Variants in TBC1D16 observed in about 807,000 individuals in gnomAD.
TBC1D16 encodes the protein TBC1 domain family member 16.
In TBC1D16, 58 loss-of-function variants were observed where a neutral mutation model predicts 74.7. The ratio of observed to expected loss-of-function variants is 0.78; its 90% CI spans 0.63 to 0.97. TBC1D16 has a LOEUF of 0.97. TBC1D16 is among the 50% of genes least tolerant of loss of function. TBC1D16 has a pLI of 0.00. For missense variants in TBC1D16, 1,014 were observed against 1,079.5 expected, an observed-to-expected ratio of 0.94 and a Z score of 0.85; for synonymous variants, 493 against 474.7, an observed-to-expected ratio of 1.04 and a Z score of -0.50.
At position 80,035,074 on chromosome 17, in the gene TBC1D16, C is replaced by G. The variant is rs540328043; in HGVS notation, c.-63+721G>C. Among the ~76,000 whole-genome samples, 81 of 152,294 alleles carry G rather than the reference C, an allele frequency of 5.3e-4. 1 individual carries two copies. The highest frequency in any genetic ancestry group is 6.8e-3 in the Middle Eastern group (2 of 294). On this transcript the variant is annotated intron_variant, in intron 1 of 11. Coordinates refer to ENST00000310924, the MANE Select transcript of TBC1D16 (RefSeq NM_019020.4). The surrounding 1 kb of genome is among the most constrained non-coding windows in gnomAD (Gnocchi z 5.3). ...TTCATTTCCTATTTCTGAATCAAATCTGAACTACTTTGTGGCCAATATACG... is the reference window on the plus strand; with the variant it reads ...TTCATTTCCTATTTCTGAATCAAATGTGAACTACTTTGTGGCCAATATACG...
rs930194197 is a variant in TBC1D16 at position 79,941,718 on chromosome 17, G to C, written c.2055+342C>G. Among the ~76,000 whole-genome samples the C allele has an allele frequency of 6.6e-6, 1 of 152,212 alleles. No homozygotes were observed. Among genetic ancestry groups the C allele is most frequent in the South Asian group, 2.1e-4 (1 of 4,836 alleles). ...CCTCCTTCTCAGTGTTCCCAGTTCT[G>C]GGTTGTAAGCGAGGTACCCCAGGGT... On this transcript the variant is annotated intron_variant, in intron 11 of 11. Transcript: ENST00000310924. The surrounding 1 kb of genome is among the most constrained non-coding windows in gnomAD (Gnocchi z 4.3).
In TBC1D16 at chr17:79,941,634, G is replaced by A. The variant is rs1267815009; in HGVS notation, c.2055+426C>T. On this transcript the variant is annotated intron_variant, in intron 11 of 11. Coordinates refer to ENST00000310924, the MANE Select transcript of TBC1D16 (RefSeq NM_019020.4). The surrounding 1 kb of genome is among the most constrained non-coding windows in gnomAD (Gnocchi z 4.3). ...ATCTCCAGGAGGCGTCTGGGAAGTGGGGGAGGGGGCCAAAGCCCAAGGTCC... is the reference window on the plus strand; with the variant it reads ...ATCTCCAGGAGGCGTCTGGGAAGTGAGGGAGGGGGCCAAAGCCCAAGGTCC... Among the ~76,000 whole-genome samples, 2 of 152,316 alleles carry A rather than the reference G, an allele frequency of 1.3e-5. No homozygotes were observed. The highest frequency in any genetic ancestry group is 3.9e-4 in the East Asian group (2 of 5,174).
At chr17:80,014,874 C>G (rs918592806) in intron 1 of TBC1D16, among the ~76,000 whole-genome samples, 3 of 152,168 alleles carry the variant, frequency 2.0e-5, no homozygotes, top group Admixed American at 6.5e-5. Flanking sequence ...ACTTCTGCCC[C>G]GTGAGGACAC....
rs2035971536 is a variant in TBC1D16 at position 80,013,451 on chromosome 17, G to A, written c.97C>T (p.Leu33=). The change falls in exon 2 of 12, where the codon CTG becomes TTG. Residue 33 remains leucine, a synonymous_variant. Coordinates refer to ENST00000310924, the MANE Select transcript of TBC1D16 (RefSeq NM_019020.4). ...GGSGSGSPSV[L]DGEIIYSKNN... ...TTGGAGTAGATGATCTCTCCATCCA[G>A]GACAGAGGGGGACCCGCTGCCGCTG... The A allele has an allele frequency of 6.2e-7, 1 of 1,601,770 alleles. No homozygotes were observed.
chr17:80,002,900 C>T (rs574874587), intron 3 of TBC1D16, among the ~76,000 whole-genome samples: 69 of 152,330 alleles, frequency 4.5e-4, no homozygotes, highest in South Asian at 2.1e-3. Context: ...CACCCGGGAA[C>T]GGTGGCGCAC....
chr17:79,981,957 G>C lies in TBC1D16; in HGVS notation c.779+28203C>G, dbSNP rs1270056359. 6.6e-6 allele frequency among the ~76,000 whole-genome samples: 1 copy of C among 152,192 alleles called. No homozygotes were observed. Among genetic ancestry groups the C allele is most frequent in the Non-Finnish European group, 1.5e-5 (1 of 68,032 alleles). ...CACATGCACATGTATTAAAGCAAAA[G>C]TGAGATTGTGCTGTCAACATTGTGT... On this transcript the variant is annotated intron_variant, in intron 3 of 11. Coordinates refer to ENST00000310924, the MANE Select transcript of TBC1D16 (RefSeq NM_019020.4). The surrounding 1 kb of genome is among the most constrained non-coding windows in gnomAD (Gnocchi z 6.9).
intron 1 of TBC1D16, among the ~76,000 whole-genome samples, chr17:80,016,351 C>T (rs1205791271): frequency 6.6e-6 from 1 of 152,016 alleles, no homozygotes; most frequent in Non-Finnish European, 1.5e-5. Flanking sequence ...GGCGGCGGCT[C>T]TACAACATGA....
rs567021083 is a variant in TBC1D16 at position 79,976,065 on chromosome 17, C to T, written c.780-23247G>A. 2.6e-5 allele frequency among the ~76,000 whole-genome samples: 4 copies of T among 152,356 alleles called. 1 individual carries two copies. Among genetic ancestry groups the T allele is most frequent in the African/African-American group, 9.6e-5 (4 of 41,582 alleles). ...CCGCCAGGCAGAACAGGTGCACATCCAGGTCAACCTGTGACCTCGGCCTTA... is the reference window on the plus strand; with the variant it reads ...CCGCCAGGCAGAACAGGTGCACATCTAGGTCAACCTGTGACCTCGGCCTTA... On this transcript the variant is annotated intron_variant, in intron 3 of 11. Coordinates refer to ENST00000310924, the MANE Select transcript of TBC1D16 (RefSeq NM_019020.4).
chr17:79,958,481 G>A (rs4889807), intron 3 of TBC1D16, among the ~76,000 whole-genome samples: 23,802 of 152,162 alleles, frequency 0.16, 1,875 homozygotes, highest in East Asian at 0.19. Flanking sequence ...GTCTCCCAAA[G>A]TGCTGGGATC....
rs1031811218 is a variant in TBC1D16 at position 79,981,723 on chromosome 17, G to A, written c.779+28437C>T. On this transcript the variant is annotated intron_variant, in intron 3 of 11. Transcript: ENST00000310924. The surrounding 1 kb of genome is among the most constrained non-coding windows in gnomAD (Gnocchi z 6.9). ...GCAAGGGACGCGCCACCCTCGGAGC[G>A]GCTCCCTCGGCTCTTCTGTAATCTC... is the stretch of plus-strand genomic sequence containing the variant. 9.2e-5 allele frequency among the ~76,000 whole-genome samples: 14 copies of A among 152,214 alleles called. No individual in the cohort carries two copies. The highest frequency in any genetic ancestry group is 3.2e-3 in the Middle Eastern group (1 of 316).
intron 3 of TBC1D16, among the ~76,000 whole-genome samples, chr17:79,958,986 T>C (rs2033474136): frequency 6.6e-6 from 1 of 152,258 alleles, no homozygotes; most frequent in African/African-American, 2.4e-5. Flanking sequence ...CAACTGTTCA[T>C]CTGAAAAACC....
chr17:80,005,076 TTTG>T (rs978018103), intron 3 of TBC1D16, among the ~76,000 whole-genome samples: 69 of 150,956 alleles, frequency 4.6e-4, no homozygotes, highest in African/African-American at 1.6e-3. Flanking sequence ...TGTTCTTGTT[TTTG>T]TTGTTGTTGT....
intron 3 of TBC1D16, among the ~76,000 whole-genome samples, chr17:79,976,041 C>T (rs975456348): frequency 6.6e-6 from 1 of 152,248 alleles, no homozygotes; most frequent in African/African-American, 2.4e-5. Flanking sequence ...CTCTTGTCCC[C>T]GCCAGGCAGA....
rs1184761962 is a variant in TBC1D16, at chr17:79,934,248, G to C, written c.*6611C>G. 1 of 152,408 alleles carries C rather than the reference G, an allele frequency of 6.6e-6. No homozygotes were observed. Among genetic ancestry groups the C allele is most frequent in the African/African-American group, 2.4e-5 (1 of 41,462 alleles). The allele number at this position is 152,408 out of a possible 1,614,324, so 9.4% of individuals were successfully genotyped here. On this transcript the variant is annotated 3_prime_UTR_variant, in exon 12 of 12. Coordinates refer to ENST00000310924, the MANE Select transcript of TBC1D16 (RefSeq NM_019020.4). ...ATGCTGCGTCTGGGCTGTATCCAGG[G>C]AACCAGCTGCCGGACAAATTGGAAG...
Position 79,952,774 on chromosome 17 carries a change from T to C in TBC1D16, c.824A>G (p.Asn275Ser), listed in dbSNP as rs757778319. 5.0e-6 allele frequency: 8 copies of C among 1,611,924 alleles called. No individual in the cohort carries two copies. The Middle Eastern group carries it at 5.0e-4, about 100-fold the overall frequency. The change falls in exon 4 of 12, where the codon AAC becomes AGC. Residue 275 changes from asparagine (N) to serine (S), a missense_variant. Coordinates refer to ENST00000310924, the MANE Select transcript of TBC1D16 (RefSeq NM_019020.4). ...CCAGCGTGGGGTCTGCAGGAGGCCGTTGCTGTCCGGGAACCGCAGGCCGGC... is the reference window on the plus strand; with the variant it reads ...CCAGCGTGGGGTCTGCAGGAGGCCGCTGCTGTCCGGGAACCGCAGGCCGGC... Reference protein sequence around the residue: ...SDAGLRFPDSNGLLQTPRWDE... With the variant: ...SDAGLRFPDSSGLLQTPRWDE...
chr17:80,023,293 G>A (rs966044519), intron 1 of TBC1D16, among the ~76,000 whole-genome samples: 1 of 149,882 alleles, frequency 6.7e-6, no homozygotes, highest in African/African-American at 2.5e-5. Context: ...TCCCCTTTAT[G>A]GGCAGGCGGC....
Position 79,994,177 on chromosome 17 carries a change from G to A in TBC1D16, c.779+15983C>T, listed in dbSNP as rs1383626367. Among the ~76,000 whole-genome samples the A allele has an allele frequency of 2.6e-5, 4 of 151,772 alleles. No individual in the cohort carries two copies. Among genetic ancestry groups the A allele is most frequent in the Non-Finnish European group, 4.4e-5 (3 of 67,972 alleles). On this transcript the variant is annotated intron_variant, in intron 3 of 11. Transcript: ENST00000310924. This position sits in a 1 kb window ranked among gnomAD's most constrained non-coding sequence, Gnocchi z 4.6. ...TCGGAAGACAGTCAATAACAGCATGGTTTAAGACGGCCCACCAGATGCACT... is the reference window on the plus strand; with the variant it reads ...TCGGAAGACAGTCAATAACAGCATGATTTAAGACGGCCCACCAGATGCACT...
rs771380419 is a variant in TBC1D16 at position 79,952,682 on chromosome 17, T to G, written c.916A>C (p.Met306Leu). 6.2e-7 allele frequency: 1 copy of G among 1,602,850 alleles called. No homozygotes were observed. The highest frequency in any genetic ancestry group is 2.2e-5 in the East Asian group (1 of 44,516). Reference protein sequence around the residue: ...CGVFRVDLGHMRSLRLFFSDE... With the variant: ...CGVFRVDLGHLRSLRLFFSDE... Reference sequence around the variant, plus strand: ...CTGAAGAAAAGGCGGAGGGAGCGCATGTGGCCCAGGTCCACGCGGAACACG... The same window carrying G: ...CTGAAGAAAAGGCGGAGGGAGCGCAGGTGGCCCAGGTCCACGCGGAACACG... The change falls in exon 4 of 12, where the codon ATG becomes CTG. Residue 306 changes from methionine to leucine, a missense_variant. Physicochemically the swap from Met to Leu is conservative, Grantham distance 15. Coordinates refer to ENST00000310924, the MANE Select transcript of TBC1D16 (RefSeq NM_019020.4).
chr17:80,010,792 C>T lies in TBC1D16; in HGVS notation c.182-35G>A. 1 of 1,432,606 alleles carries T rather than the reference C, an allele frequency of 7.0e-7. No individual in the cohort carries two copies. The allele number at this position is 1,432,606 out of a possible 1,614,324, so 88.7% of individuals were successfully genotyped here. On this transcript the variant is annotated intron_variant, in intron 2 of 11. Coordinates refer to ENST00000310924, the MANE Select transcript of TBC1D16 (RefSeq NM_019020.4). The surrounding 1 kb of genome is among the most constrained non-coding windows in gnomAD (Gnocchi z 8.8). ...GCCAGGGGGATGGCACGTTAGAGGC[C>T]AGGAGGCTGTGGATGAGGCCCTTGT...
Sources: gnomAD v4.1 joint callset for allele counts (sites outside exome capture counted in the v4.1 genomes callset) on GRCh38, gnomAD v4.1.1 for gene constraint, Gnocchi (gnomAD v3.1) non-coding constraint, MANE v1.5 for transcripts, NCBI Gene and HGNC (gene_info 2026-07-23, HGNC 2026-07-21) for gene names.